The following CCDC88A variants were observed in gnomAD, a reference collection of about 807,000 sequenced individuals.
The protein encoded by CCDC88A is girdin.
In CCDC88A, 54 loss-of-function variants were observed where a neutral mutation model predicts 234.3. That is an observed-to-expected ratio of 0.23 (90% CI 0.19 to 0.29). CCDC88A has a LOEUF of 0.29. Among genes scored for constraint, CCDC88A ranks in the 10% least tolerant of loss-of-function variants. The probability of loss-of-function intolerance (pLI) is 1.00; values close to 1 mark genes in which losing one functional copy is unlikely to be tolerated. For missense variants in CCDC88A, 1,832 were observed against 2,123.4 expected (o/e 0.86, Z 2.70); for synonymous variants, 753 against 737.8 (o/e 1.02, Z -0.33).
rs116513145 is a variant in CCDC88A at position 55,391,896 on chromosome 2, C to T, written c.165-3010G>A. Among the ~76,000 whole-genome samples, 189 of 152,292 alleles carry T rather than the reference C, an allele frequency of 1.2e-3. 3 individuals are homozygous for T. In the South Asian group the frequency reaches 0.021, roughly 17 times the overall value. ...ATAGGAAATAGATTCAGTTCAGAAT[C>T]GCACTTGGCATGTGGTAGTCTGAAC... On this transcript the variant is annotated intron_variant, in intron 2 of 32. Coordinates refer to ENST00000436346, the MANE Select transcript of CCDC88A (RefSeq NM_001365480.1).
At chr2:55,381,506 T>C (rs973894715) in intron 3 of CCDC88A, among the ~76,000 whole-genome samples, 5 of 143,402 alleles carry the variant, frequency 3.5e-5, no homozygotes, top group South Asian at 2.2e-4. Context: ...TTAGCCAAGA[T>C]TGTGCCACTG....
At chr2:55,303,674 C>A (rs1681171700) in intron 25 of CCDC88A, among the ~76,000 whole-genome samples, 1 of 152,126 alleles carries the variant, frequency 6.6e-6, no homozygotes, top group South Asian at 2.1e-4. Flanking sequence ...AGCCACCACG[C>A]CCGGCCTGAG....
At position 55,309,104 on chromosome 2, in the gene CCDC88A, A is replaced by G; in HGVS notation, c.4172+58T>C. 1.4e-6 allele frequency: 2 copies of G among 1,435,796 alleles called. No individual in the cohort carries two copies. Among genetic ancestry groups the G allele is most frequent in the Non-Finnish European group, 9.7e-7 (1 of 1,026,980 alleles). 88.9% of individuals were successfully genotyped at this position (1,435,796 alleles called of 1,614,324 possible). On this transcript the variant is annotated intron_variant, in intron 24 of 32. Coordinates refer to ENST00000436346, the MANE Select transcript of CCDC88A (RefSeq NM_001365480.1). The surrounding 1 kb of genome is among the most constrained non-coding windows in gnomAD (Gnocchi z 5.1). ...CAAAAGTAGAAGTCATCACAATATT[A>G]GAAATAACCTAGTGTTTTTTTTCAG...
At chr2:55,375,512 T>C (rs1170607184) in intron 3 of CCDC88A, among the ~76,000 whole-genome samples, 303 of 13,798 alleles carry the variant, frequency 0.022, 2 homozygotes, top group African/African-American at 0.048. Context: ...TATATATATA[T>C]GTATGTATGT....
intron 22 of CCDC88A, chr2:55,314,098 C>G (rs1461784269): frequency 1.3e-5 from 2 of 152,194 alleles, no homozygotes; most frequent in Admixed American, 1.3e-4. Context: ...TGCCTGTGGA[C>G]TTCCACTCAG....
rs1220052941 is a variant in CCDC88A, at chr2:55,302,998, G to C, written c.4471+71C>G. On this transcript the variant is annotated intron_variant, in intron 26 of 32. Transcript: ENST00000436346. ...AGGAAATTGGCACAGTCCAGAGAAA[G>C]GTTAGTGAAAAATTAGTAATGAAAG... 4.2e-6 allele frequency: 4 copies of C among 949,610 alleles called. No individual in the cohort carries two copies. In the African/African-American group the frequency reaches 6.5e-5, roughly 15 times the overall value. The allele number at this position is 949,610 out of a possible 1,614,324, so 58.8% of individuals were successfully genotyped here. A position where few individuals can be genotyped will look rare whatever the true frequency, so the allele number is the denominator to read the frequency against.
intron 3 of CCDC88A, among the ~76,000 whole-genome samples, chr2:55,378,252 C>G (rs1216295232): frequency 6.6e-6 from 1 of 152,214 alleles, no homozygotes. Context: ...AAGATGAAAG[C>G]AATCTCACAC....
At chr2:55,341,216 G>A (rs550853983) in intron 12 of CCDC88A, among the ~76,000 whole-genome samples, 1 of 145,872 alleles carries the variant, frequency 6.9e-6, no homozygotes, top group East Asian at 2.0e-4. Context: ...CATGATAGTG[G>A]CTCACTGCAA....
chr2:55,320,963 C>T (rs988086647), intron 18 of CCDC88A: 9 of 151,718 alleles, frequency 5.9e-5, no homozygotes, highest in Non-Finnish European at 1.2e-4. Flanking sequence ...TACAAAAATT[C>T]GCTGGGTGTG....
rs745859936 is a variant in CCDC88A, at chr2:55,308,280, TTTC to T, written c.4387+526_4387+528del. On this transcript the variant is annotated intron_variant, in intron 25 of 32. Transcript: ENST00000436346. ...CTTTACCAAGCAATCCTTCAATAAT[TTTC>T]TTAACCTTCTGTAATTTCTAAATCA... 5.2e-4 allele frequency: 79 copies of T among 153,186 alleles called. 1 individual carries two copies. Among genetic ancestry groups the T allele is most frequent in the Admixed American group, 3.1e-3 (48 of 15,344 alleles). The allele number at this position is 153,186 out of a possible 1,614,324, so 9.5% of individuals were successfully genotyped here.
Position 55,372,479 on chromosome 2 carries a change from A to G in CCDC88A, c.375T>C (p.Leu125=), listed in dbSNP as rs768205222. 6.6e-7 allele frequency: 1 copy of G among 1,525,754 alleles called. No individual in the cohort carries two copies. The highest frequency in any genetic ancestry group is 1.2e-5 in the South Asian group (1 of 85,700). 94.5% of individuals were successfully genotyped at this position (1,525,754 alleles called of 1,614,324 possible). ...GAACTGCACAACCCAATAAAAGTAA[A>G]AGCAGTTTTTTAACTTCTTCTGTGC... ...EQGTEEVKKL[L]LLLLGCAVQC... is the part of the protein sequence containing the mutation. Residue 125 remains leucine, a synonymous_variant, in exon 5 of 33, where the codon CTT becomes CTC. Coordinates refer to ENST00000436346, the MANE Select transcript of CCDC88A (RefSeq NM_001365480.1).
chr2:55,301,697 T>C, intron 27 of CCDC88A, 175 bp downstream of exon 27: 1 of 610,678 alleles, frequency 1.6e-6, no homozygotes, highest in Non-Finnish European at 2.8e-6. Context: ...TTTTAGTTAT[T>C]TGTATAACGT....
intron 2 of CCDC88A, among the ~76,000 whole-genome samples, chr2:55,398,476 G>T (rs547534740): frequency 3.9e-5 from 6 of 152,192 alleles, no homozygotes; most frequent in Non-Finnish European, 7.4e-5. Flanking sequence ...TATAAGGCTT[G>T]AGTTTCCCAT....
intron 3 of CCDC88A, among the ~76,000 whole-genome samples, chr2:55,382,434 A>G (rs1574382042): frequency 1.3e-5 from 2 of 152,100 alleles, no homozygotes; most frequent in East Asian, 3.8e-4. Context: ...TTGAACAACA[A>G]TGTTCTTCAT....
chr2:55,321,062 A>T (rs1337937067), intron 18 of CCDC88A: 1 of 150,614 alleles, frequency 6.6e-6, no homozygotes, highest in African/African-American at 2.4e-5. Context: ...GTGAGCTATG[A>T]TCTCGCCACT....
At chr2:55,388,498 C>T (rs992659119) in intron 3 of CCDC88A, 4 of 176,890 alleles carry the variant, frequency 2.3e-5, no homozygotes, top group African/African-American at 9.5e-5. Flanking sequence ...AGAAGTCTAA[C>T]AACAAAATGT....
At chr2:55,414,994 G>A (rs1212921870) in intron 2 of CCDC88A, among the ~76,000 whole-genome samples, 2 of 150,908 alleles carry the variant, frequency 1.3e-5, no homozygotes, top group African/African-American at 2.4e-5. Flanking sequence ...GTGAACCCGG[G>A]AGGTAGAGCT....
rs1330119166 is a variant in CCDC88A at position 55,289,222 on chromosome 2, C to T, written c.*1978G>A. On this transcript the variant is annotated 3_prime_UTR_variant, in exon 33 of 33. Coordinates refer to ENST00000436346, the MANE Select transcript of CCDC88A (RefSeq NM_001365480.1). ...CGCCCTCATTGGGCTACATCACCAC[C>T]CATTAAATTTCAGCTTTTCAGTAAT... The T allele has an allele frequency of 2.0e-5, 3 of 152,600 alleles. No homozygotes were observed. The East Asian group carries it at 5.8e-4, about 29-fold the overall frequency. 9.5% of individuals were successfully genotyped at this position (152,600 alleles called of 1,614,324 possible). A position where few individuals can be genotyped will look rare whatever the true frequency, so the allele number is the denominator to read the frequency against.
rs2576703 is a variant in CCDC88A, at chr2:55,328,590, T to C, written c.2856-155A>G. 0.1 allele frequency: 48,646 copies of C among 479,638 alleles called. 3,568 individuals are homozygous for C. The highest frequency in any genetic ancestry group is 0.32 in the East Asian group (8,654 of 27,364). 29.7% of individuals were successfully genotyped at this position (479,638 alleles called of 1,614,324 possible). A position where few individuals can be genotyped will look rare whatever the true frequency, so the allele number is the denominator to read the frequency against. On this transcript the variant is annotated intron_variant, in intron 16 of 32. Transcript: ENST00000436346. This position sits in a 1 kb window ranked among gnomAD's most constrained non-coding sequence, Gnocchi z 4.3. ...AAATTATCCTCTTCTTACTGCCCCATTCTCCCTTTAAAACTAATCCTGGTA... is the reference window on the plus strand; with the variant it reads ...AAATTATCCTCTTCTTACTGCCCCACTCTCCCTTTAAAACTAATCCTGGTA...
Sources: gnomAD v4.1 joint callset for allele counts (sites outside exome capture counted in the v4.1 genomes callset) on GRCh38, gnomAD v4.1.1 for gene constraint, Gnocchi (gnomAD v3.1) non-coding constraint, MANE v1.5 for transcripts, NCBI Gene and HGNC (gene_info 2026-07-23, HGNC 2026-07-21) for gene names.